DLG2: variants seen among roughly 807,000 people sequenced by gnomAD.
The protein encoded by DLG2 is disks large homolog 2.
In DLG2, 45 loss-of-function variants were observed where a neutral mutation model predicts 132.5. That is an observed-to-expected ratio of 0.34 (90% CI 0.27 to 0.44). DLG2 has a LOEUF of 0.44. DLG2 is among the 20% of genes least tolerant of loss of function. The pLI, the probability that DLG2 is intolerant of heterozygous loss-of-function variation, is 1.00. For synonymous variants in DLG2, 424 were observed against 419.6 expected, an observed-to-expected ratio of 1.01 and a Z score of -0.13; for missense variants, 1,045 against 1,196.9, an observed-to-expected ratio of 0.87 and a Z score of 1.87.
intron 6 of DLG2, among the ~76,000 whole-genome samples, chr11:84,770,898 C>A (rs2153888474): frequency 6.6e-6 from 1 of 152,024 alleles, no homozygotes; most frequent in East Asian, 1.9e-4. Context: ...TCTGCCTGCC[C>A]ACCTTGGCCT....
At chr11:85,241,698 C>T (rs1375485149) in intron 4 of DLG2, among the ~76,000 whole-genome samples, 1 of 151,914 alleles carries the variant, frequency 6.6e-6, no homozygotes, top group Non-Finnish European at 1.5e-5. Context: ...TAATTTCTAC[C>T]ATGGCAGCAA....
At chr11:85,308,155 AAAAAT>A (rs747745832) in intron 3 of DLG2, among the ~76,000 whole-genome samples, 2,133 of 47,884 alleles carry the variant, frequency 0.045, 54 homozygotes, top group Admixed American at 0.1. Context: ...CTCTGTCTCA[AAAAAT>A]AAAATAAAAT....
At chr11:84,890,773 G>A (rs116551376) in intron 6 of DLG2, 15,294 of 152,188 alleles carry the variant, frequency 0.1, 1,034 homozygotes, top group African/African-American at 0.2. Flanking sequence ...TTTGGGCTGT[G>A]GCAGACTGAG....
intron 7 of DLG2, among the ~76,000 whole-genome samples, chr11:84,286,572 T>C (rs1287875776): frequency 6.6e-6 from 1 of 152,236 alleles, no homozygotes; most frequent in Non-Finnish European, 1.5e-5. Flanking sequence ...AAATCTCATT[T>C]GAAAATGAGA....
intron 3 of DLG2, among the ~76,000 whole-genome samples, chr11:85,481,218 CACCTGTACGGGTAGAATGGT>C (rs1276477489): frequency 1.3e-5 from 2 of 152,194 alleles, no homozygotes; most frequent in African/African-American, 4.8e-5. Flanking sequence ...GCTCAAATGG[CACCTGTACGGGTAGAATGGT>C]ATTTGATCAG....
chr11:83,594,358 G>A lies in DLG2; in HGVS notation c.1940+38853C>T, dbSNP rs527626193. Among the ~76,000 whole-genome samples, 9 of 152,300 alleles carry A rather than the reference G, an allele frequency of 5.9e-5. No individual in the cohort carries two copies. In the South Asian group the frequency reaches 1.9e-3, roughly 32 times the overall value. ...TGAGAAATAAACTTTTATGTGTGAAGCTAATTTAAGGATTGTTGCATTTAA... is the reference window on the plus strand; with the variant it reads ...TGAGAAATAAACTTTTATGTGTGAAACTAATTTAAGGATTGTTGCATTTAA... On this transcript the variant is annotated intron_variant, in intron 19 of 27. Coordinates refer to ENST00000376104, the MANE Select transcript of DLG2 (RefSeq NM_001142699.3).
At chr11:83,691,568 C>G (rs2081006469) in intron 18 of DLG2, among the ~76,000 whole-genome samples, 1 of 152,182 alleles carries the variant, frequency 6.6e-6, no homozygotes, top group Non-Finnish European at 1.5e-5. Flanking sequence ...TCTTTGCCTA[C>G]AGAAACTCAG....
intron 10 of DLG2, among the ~76,000 whole-genome samples, chr11:84,072,041 C>A (rs1428790276): frequency 1.3e-5 from 2 of 152,252 alleles, no homozygotes; most frequent in African/African-American, 4.8e-5. Context: ...TGGCACTGAG[C>A]TGTCTCTGCT....
chr11:83,734,639 T>C (rs986513007), intron 18 of DLG2, among the ~76,000 whole-genome samples: 2 of 152,056 alleles, frequency 1.3e-5, no homozygotes, highest in South Asian at 2.1e-4. Context: ...TTAGTAGAGA[T>C]GGGGTTTCAC....
At chr11:85,420,670 C>T (rs988010257) in intron 3 of DLG2, among the ~76,000 whole-genome samples, 4 of 152,246 alleles carry the variant, frequency 2.6e-5, no homozygotes, top group African/African-American at 9.6e-5. Context: ...GCTACAGTGG[C>T]TTTGCCAAGC....
At chr11:84,177,351 T>C (rs917469454) in intron 8 of DLG2, among the ~76,000 whole-genome samples, 2 of 152,290 alleles carry the variant, frequency 1.3e-5, no homozygotes, top group Admixed American at 6.5e-5. Flanking sequence ...TGCACATATA[T>C]ACACAGGCCA....
At chr11:84,805,170 G>A (rs867883440) in intron 6 of DLG2, among the ~76,000 whole-genome samples, 9 of 152,216 alleles carry the variant, frequency 5.9e-5, no homozygotes, top group South Asian at 4.2e-4. Context: ...TAACAATGGA[G>A]GCTTAGTGGG....
At chr11:85,619,344 A>G (rs2081545184) in intron 2 of DLG2, among the ~76,000 whole-genome samples, 1 of 151,914 alleles carries the variant, frequency 6.6e-6, no homozygotes, top group African/African-American at 2.4e-5. Flanking sequence ...AGCCCAGCTA[A>G]TTTTTTTAAT....
At chr11:84,376,720 AAAC>A (rs950164266) in intron 7 of DLG2, among the ~76,000 whole-genome samples, 8 of 151,916 alleles carry the variant, frequency 5.3e-5, no homozygotes, top group African/African-American at 1.7e-4. Flanking sequence ...ATTAAAAAAA[AAAC>A]AACTCATTTC....
At position 83,753,832 on chromosome 11, in the gene DLG2, T is replaced by TG. The variant is rs1418349892; in HGVS notation, c.1825+32857_1825+32858insC. ...ATATCATATATATATTTCATATATA[T>TG]ATGATATATATCATATATATCATAT... On this transcript the variant is annotated intron_variant, in intron 18 of 27. Transcript: ENST00000376104. Among the ~76,000 whole-genome samples the TG allele has an allele frequency of 1.5e-3, 23 of 15,652 alleles. 1 individual carries two copies. The highest frequency in any genetic ancestry group is 0.013 in the African/African-American group (22 of 1,750). The allele number at this position is 15,652 out of a possible 152,430, so 10.3% of individuals were successfully genotyped here.
intron 18 of DLG2, among the ~76,000 whole-genome samples, chr11:83,711,858 A>G (rs1173848393): frequency 6.6e-6 from 1 of 152,200 alleles, no homozygotes; most frequent in Non-Finnish European, 1.5e-5. Flanking sequence ...AAGCATGTAC[A>G]TATTCTTTTA....
intron 6 of DLG2, among the ~76,000 whole-genome samples, chr11:84,624,088 T>C (rs1478304935): frequency 6.6e-6 from 1 of 152,184 alleles, no homozygotes; most frequent in Middle Eastern, 3.2e-3. Flanking sequence ...TGGTCAGACA[T>C]CCATGTGTTG....
chr11:84,059,253 G>T, intron 11 of DLG2, 62 bp downstream of exon 11: 1 of 1,497,392 alleles, frequency 6.7e-7, no homozygotes, highest in Non-Finnish European at 9.3e-7. Flanking sequence ...CGACTATCGT[G>T]GCATAAACTT....
At chr11:84,808,969 A>C (rs879446547) in intron 6 of DLG2, among the ~76,000 whole-genome samples, 11 of 152,130 alleles carry the variant, frequency 7.2e-5, no homozygotes, top group Non-Finnish European at 1.5e-4. Flanking sequence ...ATATTATTAA[A>C]ATACTTCAGA....
Sources: gnomAD v4.1 joint callset for allele counts (sites outside exome capture counted in the v4.1 genomes callset) on GRCh38, gnomAD v4.1.1 for gene constraint, MANE v1.5 for transcripts, NCBI Gene and HGNC (gene_info 2026-07-23, HGNC 2026-07-21) for gene names.